Variants in ARHGAP10 observed in about 807,000 individuals in gnomAD.
ARHGAP10 encodes the protein rho GTPase-activating protein 10.
ARHGAP10 carries 87 observed loss-of-function variants against 108.6 expected under a neutral mutation model. The ratio of observed to expected loss-of-function variants is 0.80; its 90% CI spans 0.67 to 0.96. ARHGAP10 has a LOEUF of 0.96. Ranked by LOEUF, ARHGAP10 falls within the 40% of genes least tolerant of loss-of-function variation. The pLI is 0.00. For missense variants in ARHGAP10, 939 were observed against 954.5 expected (o/e 0.98, Z 0.21); for synonymous variants, 347 against 341.1 (o/e 1.02, Z -0.19).
At chr4:147,795,749 C>T (rs1232266380) in intron 1 of ARHGAP10, among the ~76,000 whole-genome samples, 1 of 150,072 alleles carries the variant, frequency 6.7e-6, no homozygotes, top group East Asian at 1.9e-4. Context: ...GGCTGGAGTG[C>T]TGTGGCGTGA....
intron 7 of ARHGAP10, 38 bp from the exon 8 acceptor site, chr4:147,874,983 G>C: frequency 6.6e-7 from 1 of 1,520,714 alleles, no homozygotes. Flanking sequence ...ACTCATATGA[G>C]AACTTAACAT....
chr4:147,775,121 G>C (rs1329995537), intron 1 of ARHGAP10, among the ~76,000 whole-genome samples: 2 of 151,978 alleles, frequency 1.3e-5, no homozygotes, highest in Non-Finnish European at 2.9e-5. Flanking sequence ...CACCATGTTG[G>C]CCAGGCTGGT....
rs1225923474 is a variant in ARHGAP10, at chr4:147,819,811, G to A, written c.155-2916G>A. Among the ~76,000 whole-genome samples, 5 of 152,174 alleles carry A rather than the reference G, an allele frequency of 3.3e-5. No individual in the cohort carries two copies. In the East Asian group the frequency reaches 5.8e-4, roughly 18 times the overall value. On this transcript the variant is annotated intron_variant, in intron 1 of 22. Transcript: ENST00000336498. ...TGACCTTAGGTGATCCGCCCGTCTC[G>A]GCCTCCCAGAGTGCTGGGATTATAG...
At chr4:148,063,367 C>T (rs909241729) in intron 21 of ARHGAP10, 67 bp downstream of exon 21, 1 of 1,588,838 alleles carries the variant, frequency 6.3e-7, no homozygotes, top group African/African-American at 1.3e-5. Context: ...TGAACCTGAG[C>T]AGGTTCTTGT....
chr4:147,767,534 G>T (rs983585414), intron 1 of ARHGAP10, among the ~76,000 whole-genome samples: 3 of 152,030 alleles, frequency 2.0e-5, no homozygotes, highest in African/African-American at 7.2e-5. Flanking sequence ...AAAGAAGACT[G>T]AGCCTATATT....
intron 19 of ARHGAP10, among the ~76,000 whole-genome samples, chr4:148,045,992 T>C (rs1728865284): frequency 6.6e-6 from 1 of 152,186 alleles, no homozygotes; most frequent in African/African-American, 2.4e-5. Flanking sequence ...TTGTAGAACA[T>C]TGCTGCCTCT....
In ARHGAP10 at chr4:148,019,458, A is replaced by T. The variant is rs1741479960; in HGVS notation, c.1717-3805A>T. Reference sequence around the variant, plus strand: ...AATGAGATACACTGTGTTAAGAAATAAGTCTGGCCCGGCATGGGCATGGTG... The same window carrying T: ...AATGAGATACACTGTGTTAAGAAATTAGTCTGGCCCGGCATGGGCATGGTG... On this transcript the variant is annotated intron_variant, in intron 18 of 22. Transcript: ENST00000336498. Among the ~76,000 whole-genome samples the T allele has an allele frequency of 2.6e-5, 4 of 152,290 alleles. No homozygotes were observed. The South Asian group carries it at 8.3e-4, about 32-fold the overall frequency.
chr4:147,739,565 A>G (rs550718141), intron 1 of ARHGAP10, among the ~76,000 whole-genome samples: 92 of 152,234 alleles, frequency 6.0e-4, no homozygotes, highest in African/African-American at 2.0e-3. Context: ...TGCTATGGTA[A>G]ATTCACAATA....
At chr4:147,909,914 C>A (rs148826925) in intron 12 of ARHGAP10, 137 bp downstream of exon 12, 9 of 812,394 alleles carry the variant, frequency 1.1e-5, no homozygotes, top group African/African-American at 7.0e-5. Context: ...ACGTAATAAT[C>A]CTCTATTGCA....
At chr4:147,936,989 CAT>C (rs1737977237) in intron 13 of ARHGAP10, among the ~76,000 whole-genome samples, 1 of 152,144 alleles carries the variant, frequency 6.6e-6, no homozygotes, top group Non-Finnish European at 1.5e-5. Context: ...GTGAACTGCA[CAT>C]GTGAGTGATC....
chr4:147,970,722 C>T (rs187958043), intron 18 of ARHGAP10, among the ~76,000 whole-genome samples: 1 of 152,272 alleles, frequency 6.6e-6, no homozygotes, highest in Admixed American at 6.5e-5. Context: ...TCCTAGCCTC[C>T]TTGCTGTTTT....
At chr4:147,915,973 A>G (rs769365025) in intron 13 of ARHGAP10, among the ~76,000 whole-genome samples, 2 of 152,136 alleles carry the variant, frequency 1.3e-5, no homozygotes, top group Non-Finnish European at 2.9e-5. Context: ...GCTGAGTGTT[A>G]TAGTGTTTGC....
chr4:148,006,752 ACT>A (rs1167726884), intron 18 of ARHGAP10, among the ~76,000 whole-genome samples: 13 of 152,188 alleles, frequency 8.5e-5, no homozygotes, highest in African/African-American at 3.1e-4. Flanking sequence ...TGATAAAAAA[ACT>A]CTGACAGTGA....
At chr4:147,859,502 G>C (rs1734228551) in intron 5 of ARHGAP10, among the ~76,000 whole-genome samples, 1 of 152,042 alleles carries the variant, frequency 6.6e-6, no homozygotes, top group Non-Finnish European at 1.5e-5. Context: ...TTGAACTCCT[G>C]ACCTCAGGCG....
intron 11 of ARHGAP10, among the ~76,000 whole-genome samples, chr4:147,908,872 G>C (rs1446246771): frequency 6.6e-6 from 1 of 152,138 alleles, no homozygotes; most frequent in Non-Finnish European, 1.5e-5. Context: ...GTATACCTCA[G>C]GGAGAGAAAA....
chr4:148,055,492 C>T (rs1191760219), intron 20 of ARHGAP10, among the ~76,000 whole-genome samples: 5 of 152,206 alleles, frequency 3.3e-5, no homozygotes, highest in African/African-American at 1.2e-4. Flanking sequence ...AGTTCGAGAG[C>T]AGCCTGGCCA....
In ARHGAP10 at chr4:147,866,720, A is replaced by G. The variant is rs1257756459; in HGVS notation, c.606A>G (p.Ser202=). 5.0e-6 allele frequency: 8 copies of G among 1,612,628 alleles called. No individual in the cohort carries two copies. The highest frequency in any genetic ancestry group is 6.8e-6 in the Non-Finnish European group (8 of 1,179,468). The change falls in exon 7 of 23, where the codon TCA becomes TCG. Residue 202 remains serine, a synonymous_variant. Transcript: ENST00000336498. ...KKFEFVEPML[S]FFQGMFTFYH... The stretch of plus-strand genomic sequence containing the variant: ...TTCTTCCTGTGTCTTAGATGCTGTC[A>G]TTTTTTCAGGGGATGTTTACCTTCT...
chr4:147,802,846 G>T lies in ARHGAP10; in HGVS notation c.155-19881G>T, dbSNP rs1453702061. Among the ~76,000 whole-genome samples the T allele has an allele frequency of 2.0e-5, 3 of 152,252 alleles. No individual in the cohort carries two copies. In the East Asian group the frequency reaches 5.8e-4, roughly 29 times the overall value. ...TGCTGTTTTCTGCATGTTCTGTTTT[G>T]CCGGTATCCCTTCAAAATGTGGTCC... is the stretch of plus-strand genomic sequence containing the variant. On this transcript the variant is annotated intron_variant, in intron 1 of 22. Coordinates refer to ENST00000336498, the MANE Select transcript of ARHGAP10 (RefSeq NM_024605.4).
intron 18 of ARHGAP10, among the ~76,000 whole-genome samples, chr4:148,008,711 C>A (rs1315475698): frequency 6.6e-6 from 1 of 152,058 alleles, no homozygotes; most frequent in African/African-American, 2.4e-5. Flanking sequence ...ACTGAATTCT[C>A]AAAGTGTGAA....
Sources: allele counts gnomAD v4.1 joint callset (sites outside exome capture counted in the v4.1 genomes callset), GRCh38; gene constraint gnomAD v4.1.1; transcripts MANE v1.5; gene names NCBI Gene and HGNC (gene_info 2026-07-23, HGNC 2026-07-21).